PDE4D: variants seen among roughly 807,000 people sequenced by gnomAD.
PDE4D encodes the protein 3',5'-cyclic-AMP phosphodiesterase 4D.
A neutral mutation model predicts 87.4 loss-of-function variants in PDE4D; 24 were observed. The ratio of observed to expected loss-of-function variants is 0.27; its 90% CI spans 0.20 to 0.39. PDE4D has a LOEUF of 0.39. Among genes scored for constraint, PDE4D ranks in the 10% least tolerant of loss-of-function variants. PDE4D has a pLI of 1.00. For synonymous variants in PDE4D, 384 were observed against 383.2 expected, an observed-to-expected ratio of 1.00 and a Z score of -0.02; for missense variants, 714 against 1,041.0, an observed-to-expected ratio of 0.69 and a Z score of 4.32.
At chr5:59,951,652 T>G (rs1473003793) in intron 3 of PDE4D, among the ~76,000 whole-genome samples, 1 of 152,172 alleles carries the variant, frequency 6.6e-6, no homozygotes, top group Non-Finnish European at 1.5e-5. Context: ...GACAGCCACA[T>G]TTATTACTAA....
chr5:59,101,041 G>C (rs943192076), intron 5 of PDE4D, among the ~76,000 whole-genome samples: 2 of 152,098 alleles, frequency 1.3e-5, no homozygotes, highest in Non-Finnish European at 2.9e-5. Flanking sequence ...TTGCTGGTTT[G>C]GGTCTCCATG....
chr5:60,207,393 T>C (rs537591873), intron 1 of PDE4D, among the ~76,000 whole-genome samples: 4 of 152,220 alleles, frequency 2.6e-5, no homozygotes, highest in Non-Finnish European at 5.9e-5. Flanking sequence ...AGCAGGAGAA[T>C]GGCATGGCAG....
chr5:59,067,030 T>A (rs1415670200), intron 5 of PDE4D, among the ~76,000 whole-genome samples: 6 of 135,598 alleles, frequency 4.4e-5, no homozygotes, highest in African/African-American at 5.5e-5. Context: ...ATTTATTTAT[T>A]TAGAGAGAGA....
intron 1 of PDE4D, among the ~76,000 whole-genome samples, chr5:59,720,674 T>C (rs1755698607): frequency 6.6e-6 from 1 of 152,142 alleles, no homozygotes; most frequent in Non-Finnish European, 1.5e-5. Context: ...GTGTTTTAAG[T>C]ACAACAACAT....
chr5:60,356,483 T>C (rs1394653883), intron 1 of PDE4D, among the ~76,000 whole-genome samples: 3 of 152,148 alleles, frequency 2.0e-5, no homozygotes, highest in Non-Finnish European at 4.4e-5. Context: ...ACTATCAGCA[T>C]ATTCACATCT....
intron 1 of PDE4D, among the ~76,000 whole-genome samples, chr5:59,218,651 T>A (rs1751797226): frequency 6.6e-6 from 1 of 152,132 alleles, no homozygotes; most frequent in South Asian, 2.1e-4. Flanking sequence ...GAAACTATTT[T>A]CTACTGAAGG....
At chr5:59,769,892 T>C (rs1763272404) in intron 1 of PDE4D, among the ~76,000 whole-genome samples, 1 of 152,120 alleles carries the variant, frequency 6.6e-6, no homozygotes, top group Non-Finnish European at 1.5e-5. Flanking sequence ...ATGATTACTA[T>C]TAGGTCAATT....
chr5:60,422,105 G>A (rs917703446), intron 1 of PDE4D, among the ~76,000 whole-genome samples: 1 of 152,226 alleles, frequency 6.6e-6, no homozygotes, highest in African/African-American at 2.4e-5. Flanking sequence ...ATGGAACCAA[G>A]TTGGAAAACA....
At chr5:59,909,807 C>T (rs985186756) in intron 3 of PDE4D, among the ~76,000 whole-genome samples, 1 of 152,040 alleles carries the variant, frequency 6.6e-6, no homozygotes, top group Non-Finnish European at 1.5e-5. Flanking sequence ...ATCCTTGTCC[C>T]CTGTAGAAAA....
At chr5:60,103,851 A>G (rs950448216) in intron 2 of PDE4D, among the ~76,000 whole-genome samples, 10 of 152,174 alleles carry the variant, frequency 6.6e-5, no homozygotes, top group African/African-American at 2.2e-4. Flanking sequence ...TAAAAAAATT[A>G]AAAACCTGAA....
chr5:59,165,279 CT>C (rs980339230), intron 5 of PDE4D, among the ~76,000 whole-genome samples: 7 of 151,582 alleles, frequency 4.6e-5, no homozygotes, highest in African/African-American at 1.7e-4. Flanking sequence ...TCATAAATAT[CT>C]TTTTTTTTCC....
chr5:59,261,832 T>C (rs1762055878), intron 1 of PDE4D, among the ~76,000 whole-genome samples: 1 of 151,826 alleles, frequency 6.6e-6, no homozygotes, highest in South Asian at 2.1e-4. Context: ...GGTGATTAAG[T>C]AAACAATTTA....
intron 1 of PDE4D, among the ~76,000 whole-genome samples, chr5:60,315,604 G>C (rs1755499680): frequency 1.3e-5 from 2 of 152,148 alleles, no homozygotes; most frequent in Non-Finnish European, 2.9e-5. Flanking sequence ...TTCTTCTGGG[G>C]TTTTTATGGT....
At chr5:59,882,140 A>G (rs1354929090) in intron 1 of PDE4D, among the ~76,000 whole-genome samples, 1 of 152,200 alleles carries the variant, frequency 6.6e-6, no homozygotes, top group African/African-American at 2.4e-5. Context: ...CATATTCTAC[A>G]TGAGGGGCAT....
intron 1 of PDE4D, among the ~76,000 whole-genome samples, chr5:60,472,236 T>A (rs142355047): frequency 7.9e-5 from 12 of 152,286 alleles, no homozygotes; most frequent in Admixed American, 5.2e-4. Flanking sequence ...AATGATCCTG[T>A]GAGGGAAACG....
At chr5:59,572,092 C>G (rs1284669900) in intron 1 of PDE4D, among the ~76,000 whole-genome samples, 1 of 152,152 alleles carries the variant, frequency 6.6e-6, no homozygotes, top group East Asian at 1.9e-4. Context: ...TGGGAGCAAC[C>G]TTGTTCAGAA....
chr5:60,065,853 G>T (rs112825756), intron 2 of PDE4D, among the ~76,000 whole-genome samples: 1 of 152,068 alleles, frequency 6.6e-6, no homozygotes, highest in Admixed American at 6.6e-5. Flanking sequence ...ATTTACATTG[G>T]TTCCAAGTCT....
chr5:60,011,793 C>T (rs1173237939), intron 2 of PDE4D, among the ~76,000 whole-genome samples: 1 of 152,054 alleles, frequency 6.6e-6, no homozygotes, highest in Non-Finnish European at 1.5e-5. Context: ...ACCCTGTTTC[C>T]TAATTAATAA....
At chr5:59,836,658 C>CTATCTATAT (rs61603830) in intron 1 of PDE4D, among the ~76,000 whole-genome samples, 13 of 120,946 alleles carry the variant, frequency 1.1e-4, no homozygotes, top group African/African-American at 5.6e-4. Flanking sequence ...ATCTATCTAT[C>CTATCTATAT]ATCTATCTAC....
Sources: gnomAD v4.1 joint callset for allele counts (sites outside exome capture counted in the v4.1 genomes callset) on GRCh38, gnomAD v4.1.1 for gene constraint, MANE v1.5 for transcripts, NCBI Gene and HGNC (gene_info 2026-07-23, HGNC 2026-07-21) for gene names.